Variants in SLCO1B1 observed in about 807,000 individuals in gnomAD.
SLCO1B1 encodes the protein OATP-2.
In SLCO1B1, 81 loss-of-function variants were observed where a neutral mutation model predicts 70.1. That is an observed-to-expected ratio of 1.16 (90% CI 0.97 to 1.39). SLCO1B1 has a LOEUF of 1.39. SLCO1B1 is among the 40% of genes most tolerant of loss of function. The pLI is 0.00. For missense variants in SLCO1B1, 895 were observed against 799.6 expected, an observed-to-expected ratio of 1.12 and a Z score of -1.44; for synonymous variants, 283 against 271.5, an observed-to-expected ratio of 1.04 and a Z score of -0.42.
intron 13 of SLCO1B1, among the ~76,000 whole-genome samples, chr12:21,224,171 A>G (rs566537852): frequency 6.6e-6 from 1 of 152,282 alleles, no homozygotes; most frequent in South Asian, 2.1e-4. Context: ...GAGCCCAGAA[A>G]AAAGTACAAC....
intron 2 of SLCO1B1, among the ~76,000 whole-genome samples, chr12:21,148,312 G>T (rs1303630963): frequency 6.6e-6 from 1 of 152,072 alleles, no homozygotes. Context: ...GTATTGCCTA[G>T]GTTTTGTTCT....
chr12:21,198,708 A>C (rs1327874151), intron 8 of SLCO1B1, among the ~76,000 whole-genome samples: 1 of 152,162 alleles, frequency 6.6e-6, no homozygotes, highest in Non-Finnish European at 1.5e-5. Context: ...GATTAGAATG[A>C]AAAGATGATT....
rs938898244 is a variant in SLCO1B1, at chr12:21,163,852, A to T, written c.85-8798A>T. On this transcript the variant is annotated intron_variant, in intron 2 of 14. Coordinates refer to ENST00000256958, the MANE Select transcript of SLCO1B1 (RefSeq NM_006446.5). ...GAGGGACACAAACATTCATTCTATG[A>T]CAGATGGTAATCGAAGCAAAGACAA... Among the ~76,000 whole-genome samples, 24 of 152,232 alleles carry T rather than the reference A, an allele frequency of 1.6e-4. 1 individual carries two copies. The highest frequency in any genetic ancestry group is 1.6e-3 in the Admixed American group (24 of 15,264).
At chr12:21,227,827 A>G (rs764715864) in intron 14 of SLCO1B1, among the ~76,000 whole-genome samples, 21 of 152,248 alleles carry the variant, frequency 1.4e-4, no homozygotes, top group South Asian at 8.3e-4. Flanking sequence ...AAGCCATACT[A>G]GTTCCTTTTT....
At chr12:21,196,835 T>C (rs750385175) in intron 7 of SLCO1B1, 111 bp from the exon 8 acceptor site, 2 of 1,119,916 alleles carry the variant, frequency 1.8e-6, no homozygotes, top group East Asian at 2.4e-5. Context: ...AAGAAAAAAA[T>C]CGTGTCTTGG....
chr12:21,138,488 A>G (rs1394382233), intron 1 of SLCO1B1, among the ~76,000 whole-genome samples: 2 of 152,224 alleles, frequency 1.3e-5, no homozygotes, highest in Non-Finnish European at 2.9e-5. Context: ...GCATTTAGTC[A>G]AGCATAAATT....
chr12:21,146,691 T>C (rs1426017602), intron 2 of SLCO1B1, among the ~76,000 whole-genome samples: 1 of 152,154 alleles, frequency 6.6e-6, no homozygotes, highest in Non-Finnish European at 1.5e-5. Context: ...TTCTTTTGAC[T>C]CATAAGTTAC....
intron 11 of SLCO1B1, among the ~76,000 whole-genome samples, chr12:21,216,422 C>G (rs1941358307): frequency 6.6e-6 from 1 of 152,102 alleles, no homozygotes; most frequent in African/African-American, 2.4e-5. Flanking sequence ...AGATTTAGAA[C>G]AGAATTTATT....
At chr12:21,192,959 C>T (rs560999880) in intron 7 of SLCO1B1, among the ~76,000 whole-genome samples, 17 of 152,040 alleles carry the variant, frequency 1.1e-4, no homozygotes, top group African/African-American at 3.1e-4. Context: ...ATTTCTTTGA[C>T]AATTTAATTA....
At chr12:21,178,384 G>A (rs931799821) in intron 5 of SLCO1B1, among the ~76,000 whole-genome samples, 192 bp from the exon 6 acceptor site, 4 of 152,032 alleles carry the variant, frequency 2.6e-5, no homozygotes, top group African/African-American at 9.6e-5. Context: ...CCAGTCTCAG[G>A]TATGTATTTA....
At chr12:21,184,281 C>A (rs1463268118) in intron 7 of SLCO1B1, among the ~76,000 whole-genome samples, 2 of 152,082 alleles carry the variant, frequency 1.3e-5, no homozygotes, top group African/African-American at 2.4e-5. Flanking sequence ...AGATGACAAT[C>A]CCCAAGGCAT....
intron 1 of SLCO1B1, among the ~76,000 whole-genome samples, chr12:21,132,900 C>G (rs551766977): frequency 6.6e-6 from 1 of 151,990 alleles, no homozygotes; most frequent in Non-Finnish European, 1.5e-5. Flanking sequence ...GACATGAAGT[C>G]CTTGCCCATG....
intron 2 of SLCO1B1, among the ~76,000 whole-genome samples, chr12:21,155,282 A>C (rs12372124): frequency 0.13 from 19,820 of 151,922 alleles, 1,787 homozygotes; most frequent in Middle Eastern, 0.23. Flanking sequence ...CAATGTTTTA[A>C]ATGAAATAAC....
At chr12:21,143,256 T>G (rs1456847180) in intron 2 of SLCO1B1, among the ~76,000 whole-genome samples, 1 of 152,088 alleles carries the variant, frequency 6.6e-6, no homozygotes, top group Non-Finnish European at 1.5e-5. Context: ...TTATGAAGTT[T>G]GGGACTTCAA....
chr12:21,182,793 A>C (rs1279564985), intron 7 of SLCO1B1, among the ~76,000 whole-genome samples: 1 of 151,942 alleles, frequency 6.6e-6, no homozygotes. Flanking sequence ...GGTGCCCAGC[A>C]CTCAAGCAGA....
chr12:21,176,708 G>A (rs1940825103), intron 4 of SLCO1B1, 68 bp from the exon 5 acceptor site: 2 of 1,227,700 alleles, frequency 1.6e-6, no homozygotes, highest in East Asian at 4.7e-5. Context: ...ATATTTCTCT[G>A]TATTTCTAGG....
rs540706871 is a variant in SLCO1B1 at position 21,184,716 on chromosome 12, AC to A, written c.727+5697del. Among the ~76,000 whole-genome samples, 157 of 152,256 alleles carry A rather than the reference AC, an allele frequency of 1.0e-3. 2 individuals are homozygous for A. Among genetic ancestry groups the A allele is most frequent in the African/African-American group, 3.7e-3 (155 of 41,556 alleles). On this transcript the variant is annotated intron_variant, in intron 7 of 14. Coordinates refer to ENST00000256958, the MANE Select transcript of SLCO1B1 (RefSeq NM_006446.5). ...GCAACTATACAACCAAGTCTATGAAACAACCAGCTAACAACATGATGCCATG... is the reference window on the plus strand; with the variant it reads ...GCAACTATACAACCAAGTCTATGAAAAACCAGCTAACAACATGATGCCATG...
chr12:21,138,174 C>T (rs1940254310), intron 1 of SLCO1B1, among the ~76,000 whole-genome samples: 1 of 152,138 alleles, frequency 6.6e-6, no homozygotes, highest in Non-Finnish European at 1.5e-5. Flanking sequence ...TCCTCAGTTG[C>T]ATAAGTACAT....
chr12:21,140,245 A>G (rs1450207735), intron 1 of SLCO1B1, among the ~76,000 whole-genome samples: 1 of 152,044 alleles, frequency 6.6e-6, no homozygotes, highest in Non-Finnish European at 1.5e-5. Flanking sequence ...TATATTAGAC[A>G]TATTGTATAA....
Sources: gnomAD v4.1 joint callset for allele counts (sites outside exome capture counted in the v4.1 genomes callset) on GRCh38, gnomAD v4.1.1 for gene constraint, MANE v1.5 for transcripts, NCBI Gene and HGNC (gene_info 2026-07-23, HGNC 2026-07-21) for gene names.